The following GRM1 variants were observed in gnomAD, a reference collection of about 807,000 sequenced individuals.
GRM1 encodes metabotropic glutamate receptor 1.
Under a neutral mutation model 90.9 loss-of-function variants are expected in GRM1, and 33 were observed. That is an observed-to-expected ratio of 0.36 (90% CI 0.28 to 0.49). GRM1 has a LOEUF of 0.49. GRM1 is among the 20% of genes least tolerant of loss of function. GRM1 has a pLI of 0.99. For synonymous variants in GRM1, 700 were observed against 613.2 expected (o/e 1.14, Z -2.09); for missense variants, 1,190 against 1,534.3 (o/e 0.78, Z 3.75).
chr6:146,370,772 G>A (rs923196990), intron 5 of GRM1, among the ~76,000 whole-genome samples: 3 of 151,754 alleles, frequency 2.0e-5, no homozygotes, highest in Admixed American at 6.6e-5. Flanking sequence ...CTTGTGCAAG[G>A]TATTGGGTCC....
rs781243275 is a variant in GRM1 at position 146,304,803 on chromosome 6, A to C, written c.1143A>C (p.Pro381=). ...AACATCGGTTCCAGTGCCGCCTTCC[A>C]GGACACCTTCTGGAAAATCCCAACT... ...FWQHRFQCRL[P]GHLLENPNFK... is the part of the protein sequence containing the mutation. The change falls in exon 3 of 8, where the codon CCA becomes CCC. Residue 381 remains proline (P), a synonymous_variant. Transcript: ENST00000282753. The C allele has an allele frequency of 6.2e-7, 1 of 1,613,998 alleles. No homozygotes were observed. Among genetic ancestry groups the C allele is most frequent in the South Asian group, 1.1e-5 (1 of 91,082 alleles).
chr6:146,038,873 A>C (rs1197467459), intron 1 of GRM1, among the ~76,000 whole-genome samples: 1 of 152,054 alleles, frequency 6.6e-6, no homozygotes, highest in African/African-American at 2.4e-5. Flanking sequence ...TTTATGAAAG[A>C]TTTTAAAAGG....
chr6:146,141,071 G>C (rs1562488827), intron 1 of GRM1, among the ~76,000 whole-genome samples: 1 of 152,172 alleles, frequency 6.6e-6, no homozygotes, highest in Non-Finnish European at 1.5e-5. Context: ...TGGTGTTGAT[G>C]AAATCTCTCA....
intron 7 of GRM1, among the ~76,000 whole-genome samples, chr6:146,407,747 T>C (rs1469681351): frequency 1.3e-5 from 2 of 152,156 alleles, no homozygotes; most frequent in African/African-American, 4.8e-5. Context: ...TGGATAAAAA[T>C]CACTTATTTT....
rs537112420 is a variant in GRM1 at position 146,111,624 on chromosome 6, G to A, written c.701-47724G>A. 4.6e-5 allele frequency among the ~76,000 whole-genome samples: 7 copies of A among 152,308 alleles called. No individual in the cohort carries two copies. The South Asian group carries it at 1.2e-3, about 27-fold the overall frequency. ...AGCCAGCCTTGCAAAGATGTGATGA[G>A]GAGTTGTTCATGCAGGATAACTTAA... On this transcript the variant is annotated intron_variant, in intron 1 of 7. Transcript: ENST00000282753.
intron 3 of GRM1, among the ~76,000 whole-genome samples, chr6:146,309,870 A>G (rs1213472394): frequency 6.6e-6 from 1 of 152,166 alleles, no homozygotes; most frequent in Non-Finnish European, 1.5e-5. Context: ...ATATGGCAAT[A>G]TTTGCATACT....
chr6:146,113,066 T>C (rs1034435464), intron 1 of GRM1, among the ~76,000 whole-genome samples: 5 of 152,334 alleles, frequency 3.3e-5, no homozygotes, highest in Non-Finnish European at 5.9e-5. Context: ...TAAAGTCCAA[T>C]AGTAAGAAAG....
intron 3 of GRM1, among the ~76,000 whole-genome samples, chr6:146,317,395 C>T (rs1784013745): frequency 6.6e-6 from 1 of 152,144 alleles, no homozygotes; most frequent in Non-Finnish European, 1.5e-5. Context: ...GAGTGTTTTG[C>T]CATTGCATAA....
At chr6:146,154,093 T>A (rs1445929603) in intron 1 of GRM1, among the ~76,000 whole-genome samples, 1 of 152,180 alleles carries the variant, frequency 6.6e-6, no homozygotes, top group African/African-American at 2.4e-5. Context: ...CTTTATTAGG[T>A]TTAAAACACA....
intron 1 of GRM1, among the ~76,000 whole-genome samples, chr6:146,037,903 T>G (rs773641326): frequency 1.3e-5 from 2 of 152,008 alleles, no homozygotes; most frequent in Non-Finnish European, 2.9e-5. Flanking sequence ...CTCTCCACAT[T>G]TCTCTGGAAG....
At chr6:146,367,239 C>T (rs1029899089) in intron 5 of GRM1, among the ~76,000 whole-genome samples, 1 of 152,076 alleles carries the variant, frequency 6.6e-6, no homozygotes, top group African/African-American at 2.4e-5. Context: ...TCTGGACTCT[C>T]TCGTCTGTTC....
At chr6:146,028,269 G>A (rs1331634), upstream of GRM1, among the ~76,000 whole-genome samples, 53,208 of 147,158 alleles carry the variant, frequency 0.36, 10,164 homozygotes, top group African/African-American at 0.47. Flanking sequence ...GTGTGTGTGT[G>A]TGTGTGTGTA....
At chr6:146,177,915 T>C (rs1194905751) in intron 2 of GRM1, among the ~76,000 whole-genome samples, 1 of 152,172 alleles carries the variant, frequency 6.6e-6, no homozygotes, top group Non-Finnish European at 1.5e-5. Flanking sequence ...TGAATTTTAC[T>C]ATTCTTGGAT....
At chr6:146,210,830 G>A (rs1779665733) in intron 2 of GRM1, among the ~76,000 whole-genome samples, 1 of 152,098 alleles carries the variant, frequency 6.6e-6, no homozygotes, top group African/African-American at 2.4e-5. Flanking sequence ...TTGCTTGCAT[G>A]GCATTGAGAA....
intron 2 of GRM1, among the ~76,000 whole-genome samples, chr6:146,225,739 A>C (rs981633510): frequency 6.6e-6 from 1 of 152,294 alleles, no homozygotes; most frequent in East Asian, 1.9e-4. Flanking sequence ...CACTGAGTAC[A>C]CTTAAATAAT....
intron 5 of GRM1, among the ~76,000 whole-genome samples, chr6:146,375,274 C>T (rs1583407848): frequency 6.6e-6 from 1 of 151,984 alleles, no homozygotes; most frequent in East Asian, 1.9e-4. Context: ...TGTATTAATA[C>T]TTGTTTTGTG....
At chr6:146,364,651 A>G (rs990798330) in intron 5 of GRM1, among the ~76,000 whole-genome samples, 2 of 152,172 alleles carry the variant, frequency 1.3e-5, no homozygotes, top group East Asian at 1.9e-4. Flanking sequence ...ATTTTGAAAC[A>G]TAAAAGAAAA....
chr6:146,144,214 G>A (rs1019769746), intron 1 of GRM1, among the ~76,000 whole-genome samples: 2 of 152,204 alleles, frequency 1.3e-5, no homozygotes, highest in African/African-American at 4.8e-5. Context: ...CATAAAGAGT[G>A]TGAGCACTTT....
chr6:146,136,137 C>T (rs1776609565), intron 1 of GRM1, among the ~76,000 whole-genome samples: 1 of 152,154 alleles, frequency 6.6e-6, no homozygotes, highest in Non-Finnish European at 1.5e-5. Context: ...CTGAACAGTA[C>T]TTCATTGTGT....
Sources: gnomAD v4.1 joint callset for allele counts (sites outside exome capture counted in the v4.1 genomes callset) on GRCh38, gnomAD v4.1.1 for gene constraint, MANE v1.5 for transcripts, NCBI Gene and HGNC (gene_info 2026-07-23, HGNC 2026-07-21) for gene names.